Variants in IPO11 observed in about 807,000 individuals in gnomAD.
IPO11 encodes the protein importin-11.
Under a neutral mutation model 143.2 loss-of-function variants are expected in IPO11, and 66 were observed. The observed-to-expected ratio is 0.46, with a 90% CI of 0.38 to 0.57. The LOEUF (loss-of-function observed/expected upper bound fraction) is 0.57, where lower values mean the gene tolerates loss of function less well. IPO11 is among the 20% of genes least tolerant of loss of function. The probability of loss-of-function intolerance (pLI) is 0.00; values close to 1 mark genes in which losing one functional copy is unlikely to be tolerated. For missense variants in IPO11, 1,026 were observed against 1,141.0 expected (o/e 0.90, Z 1.45); for synonymous variants, 385 against 377.8 (o/e 1.02, Z -0.22).
At chr5:62,613,298 CTTTTTTTTTTTTT>C (rs372608086) in intron 29 of IPO11, among the ~76,000 whole-genome samples, 1 of 69,054 alleles carries the variant, frequency 1.4e-5, no homozygotes, top group Non-Finnish European at 2.6e-5. Context: ...ACATGCTCTT[CTTTTTTTTTTTTT>C]TTTTTTTTTT....
intron 21 of IPO11, among the ~76,000 whole-genome samples, chr5:62,529,087 CTTG>C (rs919401635): frequency 1.3e-5 from 2 of 152,098 alleles, no homozygotes; most frequent in Admixed American, 1.3e-4. Context: ...GGTTTATGGG[CTTG>C]TTGTCATCTG....
intron 26 of IPO11, among the ~76,000 whole-genome samples, chr5:62,560,161 T>TA (rs1743726269): frequency 6.6e-6 from 1 of 152,138 alleles, no homozygotes; most frequent in Non-Finnish European, 1.5e-5. Flanking sequence ...GCTTTGTCCT[T>TA]ACACTAGGGA....
chr5:62,440,389 G>T (rs1744426526), intron 2 of IPO11, among the ~76,000 whole-genome samples: 1 of 135,212 alleles, frequency 7.4e-6, no homozygotes, highest in Non-Finnish European at 1.5e-5. Flanking sequence ...GAGTCTCGCT[G>T]TGTTGCCCAG....
chr5:62,440,039 A>G (rs1203690087), intron 2 of IPO11, among the ~76,000 whole-genome samples: 1 of 152,276 alleles, frequency 6.6e-6, no homozygotes, highest in East Asian at 1.9e-4. Flanking sequence ...CATTACTTCC[A>G]TTCGTTCACT....
intron 5 of IPO11, among the ~76,000 whole-genome samples, chr5:62,458,247 A>G (rs952951910): frequency 5.3e-5 from 8 of 151,672 alleles, no homozygotes; most frequent in East Asian, 1.9e-4. Context: ...TTAATTGTAC[A>G]TTAAATGCCA....
At chr5:62,578,130 A>G (rs1744390149) in intron 27 of IPO11, among the ~76,000 whole-genome samples, 2 of 152,094 alleles carry the variant, frequency 1.3e-5, no homozygotes, top group Non-Finnish European at 2.9e-5. Context: ...AAGATAACCT[A>G]TGTCAGTAAG....
chr5:62,579,735 A>G (rs748109186), intron 27 of IPO11: 2 of 1,547,944 alleles, frequency 1.3e-6, no homozygotes, highest in African/African-American at 1.4e-5. Flanking sequence ...TTCTGTATGT[A>G]TATCCAAAAG....
At chr5:62,481,254 T>C (rs1746200514) in intron 9 of IPO11, among the ~76,000 whole-genome samples, 2 of 152,102 alleles carry the variant, frequency 1.3e-5, no homozygotes, top group Admixed American at 6.5e-5. Context: ...CATTTATTTC[T>C]TTCTCTTGCC....
At chr5:62,598,659 C>G (rs1000675725) in intron 28 of IPO11, among the ~76,000 whole-genome samples, 3 of 149,914 alleles carry the variant, frequency 2.0e-5, no homozygotes, top group African/African-American at 7.4e-5. Context: ...GTTCTCTCAT[C>G]TCAGCCTCCC....
intron 21 of IPO11, among the ~76,000 whole-genome samples, chr5:62,528,878 G>A (rs1561349904): frequency 6.6e-6 from 1 of 152,116 alleles, no homozygotes; most frequent in African/African-American, 2.4e-5. Flanking sequence ...TCACGAATAT[G>A]GAGTGAAACT....
chr5:62,568,747 T>A (rs903137572), intron 27 of IPO11, among the ~76,000 whole-genome samples: 1 of 152,150 alleles, frequency 6.6e-6, no homozygotes, highest in African/African-American at 2.4e-5. Context: ...TGATGCATTA[T>A]TTAGTGTGAT....
At chr5:62,436,623 G>T (rs898409269) in intron 1 of IPO11, among the ~76,000 whole-genome samples, 2 of 152,296 alleles carry the variant, frequency 1.3e-5, no homozygotes, top group Admixed American at 1.3e-4. Context: ...CAGCTACATG[G>T]TATAGGATTA....
rs1478085014 is a variant in IPO11 at position 62,522,739 on chromosome 5, T to C, written c.1897-3403T>C. On this transcript the variant is annotated intron_variant, in intron 20 of 29. Transcript: ENST00000325324. ...CTTCCTGTTTTATGTCATATCCCTG[T>C]TCTTGATTACCTGGTATCTCCCTGT... Among the ~76,000 whole-genome samples, 4 of 152,224 alleles carry C rather than the reference T, an allele frequency of 2.6e-5. No individual in the cohort carries two copies. The East Asian group carries it at 7.7e-4, about 29-fold the overall frequency.
intron 24 of IPO11, among the ~76,000 whole-genome samples, chr5:62,545,392 C>T (rs1470154683): frequency 6.6e-6 from 1 of 152,096 alleles, no homozygotes; most frequent in Non-Finnish European, 1.5e-5. Flanking sequence ...AACTGGCTAG[C>T]CATATGTAGA....
At chr5:62,545,087 GA>G (rs1263111589) in intron 24 of IPO11, among the ~76,000 whole-genome samples, 1 of 151,914 alleles carries the variant, frequency 6.6e-6, no homozygotes, top group Admixed American at 6.6e-5. Context: ...CACAGAATTG[GA>G]AAAAAACTAC....
intron 29 of IPO11, among the ~76,000 whole-genome samples, chr5:62,623,336 G>A (rs1746439290): frequency 6.6e-6 from 1 of 152,098 alleles, no homozygotes; most frequent in Non-Finnish European, 1.5e-5. Context: ...CTTAAAAAAT[G>A]TTCTACATTT....
At chr5:62,573,115 C>T (rs952435295) in intron 27 of IPO11, among the ~76,000 whole-genome samples, 2 of 151,674 alleles carry the variant, frequency 1.3e-5, no homozygotes, top group Admixed American at 6.6e-5. Flanking sequence ...AGCATGATCT[C>T]GGCTCACTGC....
chr5:62,425,524 T>A (rs1301556759), intron 1 of IPO11, among the ~76,000 whole-genome samples: 23 of 152,118 alleles, frequency 1.5e-4, no homozygotes, highest in African/African-American at 5.3e-4. Context: ...CACCATGTTG[T>A]TCAGGCTGGT....
At chr5:62,578,763 G>T in intron 27 of IPO11, 1 of 458,870 alleles carries the variant, frequency 2.2e-6, no homozygotes. Flanking sequence ...CCAATGTGAA[G>T]AGTGGTGTTT....
Sources: allele counts gnomAD v4.1 joint callset (sites outside exome capture counted in the v4.1 genomes callset), GRCh38; gene constraint gnomAD v4.1.1; transcripts MANE v1.5; gene names NCBI Gene and HGNC (gene_info 2026-07-23, HGNC 2026-07-21).